CCDC149: variants seen among roughly 807,000 people sequenced by gnomAD.
CCDC149 encodes coiled-coil domain-containing protein 149.
A neutral mutation model predicts 59.9 loss-of-function variants in CCDC149; 45 were observed. The ratio of observed to expected loss-of-function variants is 0.75; its 90% CI spans 0.59 to 0.96. The LOEUF (loss-of-function observed/expected upper bound fraction) is 0.96. CCDC149 is among the 40% of genes least tolerant of loss of function. The pLI is 0.00. For missense variants in CCDC149, 584 were observed against 664.7 expected, an observed-to-expected ratio of 0.88 and a Z score of 1.33; for synonymous variants, 245 against 260.6, an observed-to-expected ratio of 0.94 and a Z score of 0.58.
intron 1 of CCDC149, among the ~76,000 whole-genome samples, chr4:24,944,288 C>CT (rs1456957089): frequency 6.6e-6 from 1 of 151,988 alleles, no homozygotes; most frequent in African/African-American, 2.4e-5. Context: ...TCTCAGCAAA[C>CT]TATCGCAAGG....
At chr4:24,938,110 AT>A (rs1677266444) in intron 1 of CCDC149, among the ~76,000 whole-genome samples, 1 of 152,192 alleles carries the variant, frequency 6.6e-6, no homozygotes. Flanking sequence ...TGAAATTACC[AT>A]AGTTCATCAG....
rs118132971 is a variant in CCDC149, at chr4:24,857,958, A to G, written c.265-4779T>C. ...TCCACCTCCTCAACTCCAAAACAAT[A>G]ACTTTGAAAACTAGAAAATGACTAT... On this transcript the variant is annotated intron_variant, in intron 3 of 12. Transcript: ENST00000635206. Among the ~76,000 whole-genome samples the G allele has an allele frequency of 5.3e-4, 81 of 152,298 alleles. 1 individual carries two copies. The East Asian group carries it at 0.015, about 28-fold the overall frequency.
At chr4:24,914,385 G>GAAAAAAAAAAA (rs201825269), upstream of CCDC149, among the ~76,000 whole-genome samples, 3 of 120,184 alleles carry the variant, frequency 2.5e-5, no homozygotes, top group African/African-American at 5.7e-5. Flanking sequence ...TGTGTTACCA[G>GAAAAAAAAAAA]AAAAAAAAAA....
At chr4:24,906,545 C>T (rs1051468308) in intron 1 of CCDC149, among the ~76,000 whole-genome samples, 1 of 151,740 alleles carries the variant, frequency 6.6e-6, no homozygotes, top group African/African-American at 2.4e-5. Context: ...ATTACAGGCA[C>T]ATCCACTACG....
intron 4 of CCDC149, among the ~76,000 whole-genome samples, chr4:24,843,241 G>C (rs1027220131): frequency 6.6e-6 from 1 of 152,200 alleles, no homozygotes; most frequent in Non-Finnish European, 1.5e-5. Flanking sequence ...CAGAGCTATC[G>C]AGAGGGTCAG....
intron 12 of CCDC149, among the ~76,000 whole-genome samples, chr4:24,816,421 TATACTC>T (rs1011995676): frequency 1.8e-4 from 28 of 152,064 alleles, no homozygotes; most frequent in African/African-American, 4.1e-4. Flanking sequence ...ACCCCAAAAT[TATACTC>T]AAGTCATTAT....
intron 3 of CCDC149, among the ~76,000 whole-genome samples, chr4:24,864,471 C>T (rs543867499): frequency 5.9e-5 from 9 of 152,268 alleles, no homozygotes; most frequent in Admixed American, 1.3e-4. Flanking sequence ...CCCAAGAAGA[C>T]GGCTTCGACT....
chr4:24,941,989 C>T (rs987803895), intron 1 of CCDC149, among the ~76,000 whole-genome samples: 10 of 152,184 alleles, frequency 6.6e-5, no homozygotes, highest in Non-Finnish European at 1.2e-4. Context: ...TGGTACCATT[C>T]CTTCTGAAAC....
At chr4:24,961,028 AC>A (rs1723620441) in intron 1 of CCDC149, among the ~76,000 whole-genome samples, 1 of 152,242 alleles carries the variant, frequency 6.6e-6, no homozygotes, top group Admixed American at 6.5e-5. Flanking sequence ...ATAGTTGGTC[AC>A]CCAACATAGA....
At chr4:24,975,048 A>G (rs61791869) in intron 1 of CCDC149, among the ~76,000 whole-genome samples, 44,890 of 151,958 alleles carry the variant, frequency 0.3, 6,921 homozygotes, top group East Asian at 0.56. Flanking sequence ...GTCTTATAAA[A>G]TAGGCTTTGC....
intron 2 of CCDC149, among the ~76,000 whole-genome samples, chr4:24,876,292 TAC>T (rs61406129): frequency 0.37 from 46,247 of 124,090 alleles, 9,474 homozygotes; most frequent in Non-Finnish European, 0.49. Flanking sequence ...CATACACACG[TAC>T]ACACACACAC....
At chr4:24,943,939 T>C (rs547442564) in intron 1 of CCDC149, among the ~76,000 whole-genome samples, 137 of 152,340 alleles carry the variant, frequency 9.0e-4, no homozygotes, top group African/African-American at 3.2e-3. Flanking sequence ...GGAACACTTT[T>C]ACACTGTTGG....
chr4:24,951,037 T>C (rs1038112887), intron 1 of CCDC149, among the ~76,000 whole-genome samples: 5 of 152,184 alleles, frequency 3.3e-5, no homozygotes, highest in African/African-American at 1.2e-4. Context: ...GCAGGTGTTG[T>C]CAAGCTGGGG....
chr4:24,932,046 T>A (rs1577491558), intron 1 of CCDC149, among the ~76,000 whole-genome samples: 2 of 151,684 alleles, frequency 1.3e-5, no homozygotes, highest in South Asian at 4.2e-4. Context: ...ACACAGAAAG[T>A]GTAAGTGTTC....
At chr4:24,847,539 G>T (rs1717381093) in intron 4 of CCDC149, among the ~76,000 whole-genome samples, 1 of 152,182 alleles carries the variant, frequency 6.6e-6, no homozygotes, top group Non-Finnish European at 1.5e-5. Flanking sequence ...CTGCTTTGAT[G>T]TGTCCTCAGA....
chr4:24,864,653 T>C (rs1267283928), intron 3 of CCDC149, among the ~76,000 whole-genome samples: 2 of 152,228 alleles, frequency 1.3e-5, no homozygotes, highest in Non-Finnish European at 2.9e-5. Context: ...TCTTTCTCTA[T>C]TGCAATTTCC....
Position 24,957,170 on chromosome 4 carries a change from C to A in CCDC149, c.-65+22899G>T, listed in dbSNP as rs183520777. Among the ~76,000 whole-genome samples the A allele has an allele frequency of 3.9e-3, 594 of 152,308 alleles. 6 individuals carry two copies. Among genetic ancestry groups the A allele is most frequent in the African/African-American group, 0.013 (559 of 41,566 alleles). On this transcript the variant is annotated intron_variant, in intron 1 of 12. Transcript: ENST00000389609. ...ATCTGACCATGAAGTATCATGTGGC[C>A]AGAGCTGTCTTTTATAACCTGAGAA...
intron 1 of CCDC149, 82 bp from the exon 2 acceptor site, chr4:24,876,779 G>T: frequency 7.2e-7 from 1 of 1,384,886 alleles, no homozygotes; most frequent in Non-Finnish European, 9.7e-7. Context: ...CACACACCCT[G>T]TGGGGAATTT....
chr4:24,876,340 C>CAGAGAGAG (rs369314730), intron 2 of CCDC149, among the ~76,000 whole-genome samples, 196 bp downstream of exon 2: 6 of 103,226 alleles, frequency 5.8e-5, no homozygotes, highest in African/African-American at 2.5e-4. Flanking sequence ...CACACACACA[C>CAGAGAGAG]AGAGAGAGAG....
Sources: allele counts gnomAD v4.1 joint callset (sites outside exome capture counted in the v4.1 genomes callset), GRCh38; gene constraint gnomAD v4.1.1; transcripts MANE v1.5; gene names NCBI Gene and HGNC (gene_info 2026-07-23, HGNC 2026-07-21).